Variants in CELF2 observed in about 807,000 individuals in gnomAD.
CELF2 encodes the protein CUGBP Elav-like family member 2.
In CELF2, 8 loss-of-function variants were observed where a neutral mutation model predicts 62.6. The ratio of observed to expected loss-of-function variants is 0.13; its 90% CI spans 0.07 to 0.23. The LOEUF is 0.23. Among genes scored for constraint, CELF2 ranks in the 10% least tolerant of loss-of-function variants. CELF2 has a pLI of 1.00. For synonymous variants in CELF2, 258 were observed against 250.0 expected, an observed-to-expected ratio of 1.03 and a Z score of -0.30; for missense variants, 333 against 671.0, an observed-to-expected ratio of 0.50 and a Z score of 5.56.
the CELF2 span, among the ~76,000 whole-genome samples, chr10:10,542,977 A>G: frequency 6.6e-6 from 1 of 152,208 alleles, no homozygotes; most frequent in African/African-American, 2.4e-5. Flanking sequence ...TCTCAGGCAG[A>G]AGAGTCCTTT....
chr10:11,165,469 G>C lies in CELF2; in HGVS notation c.75-17G>C, dbSNP rs2066815647. On this transcript the variant is annotated splice_polypyrimidine_tract_variant and intron_variant, in intron 1 of 12. Transcript: ENST00000633077. This position sits in a 1 kb window ranked among gnomAD's most constrained non-coding sequence, Gnocchi z 7.4. ...TCGTGCCGCCCTAACTCTGGCTCCC[G>C]GTTCCGTTTTTGACAGTAACGGCAC... 6.2e-7 allele frequency: 1 copy of C among 1,600,732 alleles called. No homozygotes were observed. The highest frequency in any genetic ancestry group is 1.1e-5 in the South Asian group (1 of 89,890).
chr10:11,160,091 G>A (rs563648070), intron 1 of CELF2, among the ~76,000 whole-genome samples: 409 of 152,340 alleles, frequency 2.7e-3, no homozygotes, highest in Non-Finnish European at 4.6e-3. Context: ...TTGGACACAG[G>A]CAAGGAATCA....
the CELF2 span, among the ~76,000 whole-genome samples, chr10:10,716,974 T>C: frequency 6.6e-6 from 1 of 152,158 alleles, no homozygotes; most frequent in African/African-American, 2.4e-5. Flanking sequence ...TATCTAACAG[T>C]TAAGGATAAA....
chr10:11,081,742 C>G (rs2074088994), intron 1 of CELF2, among the ~76,000 whole-genome samples: 1 of 152,086 alleles, frequency 6.6e-6, no homozygotes, highest in Non-Finnish European at 1.5e-5. Flanking sequence ...TTTTTTTGCC[C>G]ACTCTGGTAA....
At chr10:11,018,256 G>A (rs1168961588) in intron 1 of CELF2, 93 bp downstream of exon 1, 2 of 1,074,286 alleles carry the variant, frequency 1.9e-6, no homozygotes, top group Admixed American at 3.4e-5. Context: ...GCAGCTCCCG[G>A]GCGCGACTCG....
chr10:10,848,600 A>G (rs2059162782), intron 1 of CELF2, among the ~76,000 whole-genome samples: 1 of 152,158 alleles, frequency 6.6e-6, no homozygotes, highest in African/African-American at 2.4e-5. Flanking sequence ...CTGCCCCTGG[A>G]AGGCTCTCAT....
Position 11,110,237 on chromosome 10 carries a change from G to A in CELF2, c.75-55249G>A, listed in dbSNP as rs916433331. Among the ~76,000 whole-genome samples, 19 of 152,054 alleles carry A rather than the reference G, an allele frequency of 1.2e-4. No homozygotes were observed. The highest frequency in any genetic ancestry group is 1.9e-4 in the African/African-American group (8 of 41,450). ...TGCATGGAACCCTGAACGTCCTACC[G>A]CACTCCAGCATGGGCGACAGAGCAA... is the stretch of plus-strand genomic sequence containing the variant. On this transcript the variant is annotated intron_variant, in intron 1 of 12. Transcript: ENST00000633077. The surrounding 1 kb of genome is among the most constrained non-coding windows in gnomAD (Gnocchi z 4.0).
chr10:10,883,505 G>A (rs758684232), intron 1 of CELF2, among the ~76,000 whole-genome samples: 4 of 151,944 alleles, frequency 2.6e-5, no homozygotes, highest in South Asian at 2.1e-4. Context: ...TGATTTTTTC[G>A]CTGTGTGATC....
At chr10:10,879,866 A>G (rs556213487) in intron 1 of CELF2, among the ~76,000 whole-genome samples, 120 of 152,266 alleles carry the variant, frequency 7.9e-4, no homozygotes, top group Admixed American at 5.6e-3. Flanking sequence ...ACACTTTCTG[A>G]ACCTTCTTGT....
At chr10:10,917,059 G>A (rs2064408923) in intron 1 of CELF2, among the ~76,000 whole-genome samples, 1 of 151,778 alleles carries the variant, frequency 6.6e-6, no homozygotes. Context: ...ACAGAAACAA[G>A]AATTTTTCCA....
At chr10:10,607,663 T>C in the CELF2 span, among the ~76,000 whole-genome samples, 7 of 152,160 alleles carry the variant, frequency 4.6e-5, no homozygotes. Flanking sequence ...AAATAGAAAA[T>C]GTAAAATCCT....
rs1241209514 is a variant in CELF2, at chr10:11,214,400, A to G, written c.272-3025A>G. 6.6e-6 allele frequency among the ~76,000 whole-genome samples: 1 copy of G among 152,252 alleles called. No homozygotes were observed. Among genetic ancestry groups the G allele is most frequent in the African/African-American group, 2.4e-5 (1 of 41,474 alleles). The stretch of plus-strand genomic sequence containing the variant: ...AAAACCAAAAGAAGCCTCTGGGGTT[A>G]GTATTCCCAGTCTCCTTGTCTGCCC... On this transcript the variant is annotated intron_variant, in intron 2 of 12. Coordinates refer to ENST00000633077, the MANE Select transcript of CELF2 (RefSeq NM_001326342.2). The surrounding 1 kb of genome is among the most constrained non-coding windows in gnomAD (Gnocchi z 4.2).
intron 1 of CELF2, among the ~76,000 whole-genome samples, chr10:10,842,384 A>T (rs2058738990): frequency 6.6e-6 from 1 of 152,026 alleles, no homozygotes; most frequent in Non-Finnish European, 1.5e-5. Flanking sequence ...TCAGGGGAAA[A>T]TTGTTCAGGA....
At chr10:11,024,286 A>C (rs1161370135) in intron 1 of CELF2, among the ~76,000 whole-genome samples, 1 of 152,162 alleles carries the variant, frequency 6.6e-6, no homozygotes, top group Non-Finnish European at 1.5e-5. Flanking sequence ...AGTTAGATAC[A>C]ATATTTTGAT....
chr10:11,180,606 C>A (rs2073021957), intron 2 of CELF2, among the ~76,000 whole-genome samples: 1 of 152,160 alleles, frequency 6.6e-6, no homozygotes, highest in Non-Finnish European at 1.5e-5. Flanking sequence ...GCCATCCGAG[C>A]AGATGAGCCT....
the CELF2 span, among the ~76,000 whole-genome samples, chr10:10,463,184 G>A: frequency 6.6e-6 from 1 of 152,146 alleles, no homozygotes; most frequent in Non-Finnish European, 1.5e-5. Context: ...TACATCATTT[G>A]CAGACCTTGT....
the CELF2 span, among the ~76,000 whole-genome samples, chr10:10,757,509 C>A: frequency 1.3e-5 from 2 of 152,082 alleles, no homozygotes; most frequent in African/African-American, 2.4e-5. Context: ...TGGAATTCAA[C>A]AATGACAATG....
At chr10:10,752,097 C>T in the CELF2 span, among the ~76,000 whole-genome samples, 3,089 of 152,300 alleles carry the variant, frequency 0.02, 40 homozygotes, top group Middle Eastern at 0.034. Context: ...AGGTCACAGA[C>T]GAAGGTTGCT....
At chr10:11,081,643 G>A (rs1340903318) in intron 1 of CELF2, among the ~76,000 whole-genome samples, 2 of 152,182 alleles carry the variant, frequency 1.3e-5, no homozygotes, top group Admixed American at 6.5e-5. Context: ...CTCTGGAAGG[G>A]TTCTCATGGG....
Sources: allele counts gnomAD v4.1 joint callset (sites outside exome capture counted in the v4.1 genomes callset), GRCh38; gene constraint gnomAD v4.1.1; non-coding constraint Gnocchi (gnomAD v3.1); transcripts MANE v1.5; gene names NCBI Gene and HGNC (gene_info 2026-07-23, HGNC 2026-07-21).